Variants in PTPRM observed in about 807,000 individuals in gnomAD.
PTPRM encodes the protein receptor-type tyrosine-protein phosphatase mu.
A neutral mutation model predicts 186.7 loss-of-function variants in PTPRM; 47 were observed. That is an observed-to-expected ratio of 0.25 (90% CI 0.20 to 0.32). The LOEUF (loss-of-function observed/expected upper bound fraction) is 0.32, where lower values mean the gene tolerates loss of function less well. Among genes scored for constraint, PTPRM ranks in the 10% least tolerant of loss-of-function variants. PTPRM has a pLI of 1.00. For synonymous variants in PTPRM, 668 were observed against 674.9 expected (o/e 0.99, Z 0.16); for missense variants, 1,494 against 1,865.0 (o/e 0.80, Z 3.66).
At chr18:8,160,196 C>T (rs1044082240) in intron 14 of PTPRM, among the ~76,000 whole-genome samples, 1 of 152,110 alleles carries the variant, frequency 6.6e-6, no homozygotes, top group Non-Finnish European at 1.5e-5. Context: ...TTGAGATTAA[C>T]AAGTCCTTTG....
intron 11 of PTPRM, among the ~76,000 whole-genome samples, chr18:8,104,064 C>T (rs1363171741): frequency 1.3e-5 from 2 of 152,178 alleles, no homozygotes; most frequent in East Asian, 3.9e-4. Context: ...TCACTCATCA[C>T]AGATCACCAT....
At chr18:8,139,239 A>C (rs1189865539) in intron 13 of PTPRM, among the ~76,000 whole-genome samples, 1 of 152,050 alleles carries the variant, frequency 6.6e-6, no homozygotes, top group Non-Finnish European at 1.5e-5. Context: ...GTGTCTGTCC[A>C]GTGACTCCTG....
At chr18:7,797,242 C>T (rs2043710252) in intron 2 of PTPRM, among the ~76,000 whole-genome samples, 1 of 152,222 alleles carries the variant, frequency 6.6e-6, no homozygotes, top group African/African-American at 2.4e-5. Flanking sequence ...GCCTTGCCTG[C>T]CTCCCTGCTG....
chr18:7,974,651 G>T (rs2054810713), intron 7 of PTPRM, among the ~76,000 whole-genome samples: 1 of 152,090 alleles, frequency 6.6e-6, no homozygotes, highest in African/African-American at 2.4e-5. Flanking sequence ...CCAAATCTCT[G>T]ATCTATTGGC....
At chr18:8,182,603 A>G (rs2093590975) in intron 14 of PTPRM, among the ~76,000 whole-genome samples, 1 of 152,214 alleles carries the variant, frequency 6.6e-6, no homozygotes, top group Non-Finnish European at 1.5e-5. Flanking sequence ...GAATTGCCCA[A>G]ATAGAGAATA....
intron 13 of PTPRM, among the ~76,000 whole-genome samples, chr18:8,125,083 G>A (rs1393639178): frequency 6.6e-6 from 1 of 151,904 alleles, no homozygotes; most frequent in Non-Finnish European, 1.5e-5. Context: ...CTAGGACTGT[G>A]CCAGGCATGA....
intron 7 of PTPRM, 130 bp from the exon 8 acceptor site, chr18:8,069,556 G>T (rs1234969890): frequency 2.2e-5 from 18 of 820,628 alleles, no homozygotes; most frequent in East Asian, 2.7e-5. Flanking sequence ...AAGATTTAGG[G>T]ATTTATTATC....
intron 2 of PTPRM, among the ~76,000 whole-genome samples, chr18:7,856,743 C>CA (rs5822986): frequency 0.012 from 1,696 of 140,576 alleles, 41 homozygotes; most frequent in African/African-American, 0.038. Context: ...GACCCTGTCT[C>CA]AAAAAAAAAA....
At chr18:8,252,944 A>G (rs535719476) in intron 18 of PTPRM, among the ~76,000 whole-genome samples, 3 of 152,320 alleles carry the variant, frequency 2.0e-5, no homozygotes, top group East Asian at 1.9e-4. Context: ...AACTTTCACA[A>G]ACTTTAGCAC....
At chr18:7,796,165 A>G (rs1009644357) in intron 2 of PTPRM, among the ~76,000 whole-genome samples, 1 of 151,830 alleles carries the variant, frequency 6.6e-6, no homozygotes, top group African/African-American at 2.4e-5. Context: ...TAGATTTAAC[A>G]GATGTGATTA....
chr18:8,025,806 C>A (rs1320398324), intron 7 of PTPRM, among the ~76,000 whole-genome samples: 1 of 152,214 alleles, frequency 6.6e-6, no homozygotes, highest in Non-Finnish European at 1.5e-5. Context: ...TAGGACTGAG[C>A]TTTAAGGTAA....
intron 2 of PTPRM, among the ~76,000 whole-genome samples, chr18:7,825,657 C>T (rs150447001): frequency 1.2e-3 from 176 of 152,230 alleles, no homozygotes; most frequent in African/African-American, 4.1e-3. Flanking sequence ...ATTATGTTAT[C>T]CCTGACATAC....
chr18:8,289,586 A>G (rs2095015913), intron 19 of PTPRM, among the ~76,000 whole-genome samples: 1 of 102,690 alleles, frequency 9.7e-6, no homozygotes, highest in Non-Finnish European at 2.0e-5. Context: ...ACATATATAT[A>G]TACACATATA....
chr18:8,381,919 T>C (rs1385267137), intron 29 of PTPRM, among the ~76,000 whole-genome samples: 2 of 152,220 alleles, frequency 1.3e-5, no homozygotes, highest in African/African-American at 2.4e-5. Flanking sequence ...ACATCAGTGA[T>C]TCTAGTGCAT....
intron 26 of PTPRM, chr18:8,376,861 A>G (rs2095699474): frequency 2.6e-6 from 1 of 379,974 alleles, no homozygotes; most frequent in Admixed American, 4.3e-5. Context: ...GGACCCAAAA[A>G]AGTCTCTGTT....
intron 2 of PTPRM, among the ~76,000 whole-genome samples, chr18:7,810,980 T>C (rs2044480576): frequency 6.6e-6 from 1 of 152,266 alleles, no homozygotes; most frequent in African/African-American, 2.4e-5. Context: ...TCTGAACGAT[T>C]GAATACTTGT....
chr18:7,952,174 T>C (rs1000708785), intron 6 of PTPRM, among the ~76,000 whole-genome samples: 1 of 152,264 alleles, frequency 6.6e-6, no homozygotes, highest in African/African-American at 2.4e-5. Flanking sequence ...TACTGACATA[T>C]TTATTGATGT....
intron 2 of PTPRM, among the ~76,000 whole-genome samples, chr18:7,840,756 A>G (rs1249557197): frequency 6.6e-6 from 1 of 152,242 alleles, no homozygotes; most frequent in East Asian, 1.9e-4. Flanking sequence ...AACATATGGT[A>G]CAACAGTTGG....
At chr18:8,229,124 G>A (rs2094253151) in intron 14 of PTPRM, among the ~76,000 whole-genome samples, 1 of 152,026 alleles carries the variant, frequency 6.6e-6, no homozygotes, top group African/African-American at 2.4e-5. Flanking sequence ...TTATGATCAG[G>A]AAGTAAGGTA....
Sources: allele counts gnomAD v4.1 joint callset (sites outside exome capture counted in the v4.1 genomes callset), GRCh38; gene constraint gnomAD v4.1.1; transcripts MANE v1.5; gene names NCBI Gene and HGNC (gene_info 2026-07-23, HGNC 2026-07-21).